MPPED2: variants seen among roughly 807,000 people sequenced by gnomAD.
MPPED2 encodes metallophosphoesterase domain containing 2, also known as metallophosphoesterase MPPED2.
A neutral mutation model predicts 33.0 loss-of-function variants in MPPED2; 5 were observed. The ratio of observed to expected loss-of-function variants is 0.15; its 90% CI spans 0.08 to 0.32. The LOEUF (loss-of-function observed/expected upper bound fraction) is 0.32, where lower values mean the gene tolerates loss of function less well. MPPED2 is among the 10% of genes least tolerant of loss of function. The pLI is 1.00. For missense variants in MPPED2, 275 were observed against 372.1 expected, an observed-to-expected ratio of 0.74 and a Z score of 2.15; for synonymous variants, 136 against 141.9, an observed-to-expected ratio of 0.96 and a Z score of 0.29.
chr11:30,384,515 C>T (rs1947679993), exon 7 of MPPED2: 1 of 149,326 alleles, frequency 6.7e-6, no homozygotes, highest in Non-Finnish European at 1.5e-5. Flanking sequence ...GCTCTGTTGC[C>T]AGGCTGGAGT....
chr11:30,431,429 A>C (rs558571887), intron 4 of MPPED2, among the ~76,000 whole-genome samples: 1 of 152,214 alleles, frequency 6.6e-6, no homozygotes, highest in Non-Finnish European at 1.5e-5. Context: ...GATGGAGATA[A>C]TTATATTATC....
At chr11:30,390,258 A>T (rs1049667789) in intron 6 of MPPED2, among the ~76,000 whole-genome samples, 3 of 152,190 alleles carry the variant, frequency 2.0e-5, no homozygotes, top group Non-Finnish European at 2.9e-5. Flanking sequence ...CCCCTCTAAC[A>T]GTTTCTTTGT....
intron 4 of MPPED2, among the ~76,000 whole-genome samples, chr11:30,461,123 A>C (rs1288403928): frequency 2.6e-5 from 4 of 152,250 alleles, no homozygotes; most frequent in African/African-American, 9.6e-5. Context: ...AAAAGGGTAA[A>C]GATTGAATGA....
At chr11:30,466,746 G>C (rs1950722494) in intron 4 of MPPED2, among the ~76,000 whole-genome samples, 1 of 152,210 alleles carries the variant, frequency 6.6e-6, no homozygotes. Flanking sequence ...AAATTCAACT[G>C]AAACAGTGCT....
intron 4 of MPPED2, among the ~76,000 whole-genome samples, chr11:30,475,220 A>G (rs567964023): frequency 2.0e-5 from 3 of 152,262 alleles, no homozygotes; most frequent in African/African-American, 4.8e-5. Context: ...ATCATATCGA[A>G]TAAATGTTTA....
At chr11:30,542,072 GT>G (rs1306175081) in intron 2 of MPPED2, among the ~76,000 whole-genome samples, 4 of 152,156 alleles carry the variant, frequency 2.6e-5, no homozygotes, top group African/African-American at 9.7e-5. Context: ...TAAATAACAG[GT>G]TTAAGTTACC....
At chr11:30,578,931 T>C (rs953749108) in intron 2 of MPPED2, among the ~76,000 whole-genome samples, 1 of 152,116 alleles carries the variant, frequency 6.6e-6, no homozygotes, top group Admixed American at 6.6e-5. Flanking sequence ...CATGAATATA[T>C]TCTCATTTAA....
intron 3 of MPPED2, among the ~76,000 whole-genome samples, chr11:30,503,512 T>C (rs1952665661): frequency 6.6e-6 from 1 of 152,156 alleles, no homozygotes; most frequent in Non-Finnish European, 1.5e-5. Flanking sequence ...CACACCCTTT[T>C]TTTTAAAATC....
intron 6 of MPPED2, among the ~76,000 whole-genome samples, chr11:30,398,790 G>T (rs2133705104): frequency 1.3e-5 from 2 of 152,192 alleles, no homozygotes; most frequent in Admixed American, 1.3e-4. Flanking sequence ...ATCCAGTAAG[G>T]AGCATGAAAT....
chr11:30,513,628 C>T (rs11606309), intron 3 of MPPED2, among the ~76,000 whole-genome samples: 26,591 of 152,154 alleles, frequency 0.17, 2,906 homozygotes, highest in Non-Finnish European at 0.24. Context: ...GGTTAAGTCT[C>T]TCAGAACTTT....
intron 4 of MPPED2, among the ~76,000 whole-genome samples, chr11:30,432,118 G>A (rs546399340): frequency 2.0e-5 from 3 of 151,438 alleles, no homozygotes; most frequent in South Asian, 2.1e-4. Flanking sequence ...TCAAGGAGCC[G>A]AGATCGCGCC....
intron 4 of MPPED2, among the ~76,000 whole-genome samples, chr11:30,472,634 C>G (rs1245761324): frequency 6.6e-6 from 1 of 152,158 alleles, no homozygotes; most frequent in Non-Finnish European, 1.5e-5. Flanking sequence ...ACTTTGAAAG[C>G]ATCATGCTAA....
chr11:30,492,175 C>A (rs920201477), intron 4 of MPPED2, among the ~76,000 whole-genome samples: 5 of 152,164 alleles, frequency 3.3e-5, no homozygotes, highest in African/African-American at 1.2e-4. Flanking sequence ...ACAGATCATG[C>A]CCTGCCACAT....
intron 3 of MPPED2, among the ~76,000 whole-genome samples, chr11:30,531,307 C>T (rs1199555473): frequency 6.6e-6 from 1 of 152,198 alleles, no homozygotes; most frequent in African/African-American, 2.4e-5. Context: ...CTACGGGCAG[C>T]AGCCAGGTGA....
intron 4 of MPPED2, among the ~76,000 whole-genome samples, chr11:30,473,364 C>A (rs1185379168): frequency 6.6e-6 from 1 of 152,146 alleles, no homozygotes; most frequent in Non-Finnish European, 1.5e-5. Context: ...ACATAAACTC[C>A]ATCTTGCCAA....
rs1366010348 is a variant in MPPED2 at position 30,386,816 on chromosome 11, A to G, written c.*2073T>C. 1.1e-4 allele frequency: 44 copies of G among 398,488 alleles called. No homozygotes were observed. The East Asian group carries it at 1.6e-3, about 14-fold the overall frequency. The allele number at this position is 398,488 out of a possible 1,614,324, so 24.7% of individuals were successfully genotyped here. On this transcript the variant is annotated 3_prime_UTR_variant, in exon 7 of 7. Coordinates refer to the MPPED2 transcript ENST00000448418. ...CTTCACTCATATTAGTAGGATTATT[A>G]TACAGGTCACACATAATAGCAATAG... is the stretch of plus-strand genomic sequence containing the variant.
intron 2 of MPPED2, among the ~76,000 whole-genome samples, chr11:30,551,502 C>A (rs1190419679): frequency 6.6e-6 from 1 of 152,090 alleles, no homozygotes. Flanking sequence ...CAAATAAATT[C>A]CTTTTAAAAT....
chr11:30,584,655 G>A, intron 1 of MPPED2: 1 of 152,480 alleles, frequency 6.6e-6, no homozygotes. Flanking sequence ...CCTCGGTCGG[G>A]CATCACAGCC....
chr11:30,522,032 T>G (rs907963970), intron 3 of MPPED2, among the ~76,000 whole-genome samples: 8 of 152,202 alleles, frequency 5.3e-5, no homozygotes, highest in Non-Finnish European at 8.8e-5. Flanking sequence ...TAGGTCCAAA[T>G]CCTAATTTCA....
Sources: gnomAD v4.1 joint callset for allele counts (sites outside exome capture counted in the v4.1 genomes callset) on GRCh38, gnomAD v4.1.1 for gene constraint, MANE v1.5 for transcripts, NCBI Gene and HGNC (gene_info 2026-07-23, HGNC 2026-07-21) for gene names.